TMTC2: variants seen among roughly 807,000 people sequenced by gnomAD.
TMTC2 encodes protein O-mannosyl-transferase TMTC2.
A neutral mutation model predicts 82.4 loss-of-function variants in TMTC2; 43 were observed. The ratio of observed to expected loss-of-function variants is 0.52; its 90% CI spans 0.41 to 0.67. The LOEUF (loss-of-function observed/expected upper bound fraction) is 0.67. Ranked by LOEUF, TMTC2 falls within the 30% of genes least tolerant of loss-of-function variation. The pLI is 0.00. For synonymous variants in TMTC2, 408 were observed against 381.9 expected (o/e 1.07, Z -0.80); for missense variants, 919 against 1,012.4 (o/e 0.91, Z 1.25).
chr12:83,124,840 G>A (rs566308804), intron 11 of TMTC2, among the ~76,000 whole-genome samples: 10 of 152,208 alleles, frequency 6.6e-5, no homozygotes, highest in African/African-American at 2.2e-4. Flanking sequence ...CAAATATTAG[G>A]TGGGAGATAG....
At chr12:82,696,769 C>G (rs1030187932) in intron 1 of TMTC2, among the ~76,000 whole-genome samples, 4 of 151,994 alleles carry the variant, frequency 2.6e-5, no homozygotes, top group African/African-American at 9.7e-5. Flanking sequence ...TTGAGGATGC[C>G]TGTGGCTGGC....
chr12:82,951,573 G>T (rs1261032127), intron 4 of TMTC2, among the ~76,000 whole-genome samples: 2 of 151,988 alleles, frequency 1.3e-5, no homozygotes, highest in East Asian at 3.9e-4. Context: ...CTCCCGCCTC[G>T]GCCTCCCAAA....
chr12:82,858,462 C>T (rs893661333), intron 2 of TMTC2, among the ~76,000 whole-genome samples: 6 of 152,316 alleles, frequency 3.9e-5, no homozygotes, highest in African/African-American at 9.6e-5. Context: ...GGCAGGCTCC[C>T]GCCTATCTTT....
intron 11 of TMTC2, among the ~76,000 whole-genome samples, chr12:83,113,256 TG>T (rs1310626579): frequency 6.6e-6 from 1 of 152,092 alleles, no homozygotes; most frequent in Non-Finnish European, 1.5e-5. Flanking sequence ...GATAAGACAT[TG>T]GTAGATTAGG....
At chr12:82,748,435 G>A (rs1308917100) in intron 1 of TMTC2, among the ~76,000 whole-genome samples, 1 of 152,144 alleles carries the variant, frequency 6.6e-6, no homozygotes, top group East Asian at 1.9e-4. Context: ...TCCCAGCTTG[G>A]CAACTTACTA....
intron 1 of TMTC2, among the ~76,000 whole-genome samples, chr12:82,793,129 A>C (rs1878547130): frequency 6.6e-6 from 1 of 152,146 alleles, no homozygotes; most frequent in South Asian, 2.1e-4. Context: ...AATTATTCAG[A>C]ATTGTTTCCA....
chr12:82,857,880 C>T (rs190319540), intron 2 of TMTC2, among the ~76,000 whole-genome samples: 5 of 152,268 alleles, frequency 3.3e-5, no homozygotes, highest in African/African-American at 1.2e-4. Flanking sequence ...TATATTTCTG[C>T]ACAAATTGTC....
intron 1 of TMTC2, among the ~76,000 whole-genome samples, chr12:82,729,937 G>T (rs570118659): frequency 6.6e-6 from 1 of 151,930 alleles, no homozygotes; most frequent in South Asian, 2.1e-4. Flanking sequence ...CTCCAGATGC[G>T]CTGCTTAAAG....
At chr12:82,896,940 A>G (rs1036172403) in intron 3 of TMTC2, among the ~76,000 whole-genome samples, 1 of 152,194 alleles carries the variant, frequency 6.6e-6, no homozygotes, top group African/African-American at 2.4e-5. Flanking sequence ...AGAATTTAGA[A>G]AAGAGCTTGG....
chr12:82,694,646 A>G (rs1380068723), intron 1 of TMTC2, among the ~76,000 whole-genome samples: 1 of 152,216 alleles, frequency 6.6e-6, no homozygotes, highest in Non-Finnish European at 1.5e-5. Context: ...TGAAACACAC[A>G]TTAGTGCCCT....
chr12:82,902,217 G>T (rs772936622), intron 3 of TMTC2, among the ~76,000 whole-genome samples: 1 of 151,466 alleles, frequency 6.6e-6, no homozygotes, highest in Non-Finnish European at 1.5e-5. Context: ...ATGACACTCT[G>T]TTGGGGTCCC....
intron 1 of TMTC2, among the ~76,000 whole-genome samples, chr12:82,706,290 C>G (rs1873349292): frequency 6.9e-6 from 1 of 144,664 alleles, no homozygotes; most frequent in South Asian, 2.2e-4. Flanking sequence ...GCACTCCAGC[C>G]TGGACAACAG....
In TMTC2 at chr12:82,736,636, A is replaced by G. The variant is rs1009614737; in HGVS notation, c.83+48967A>G. 6.6e-5 allele frequency among the ~76,000 whole-genome samples: 10 copies of G among 152,290 alleles called. No individual in the cohort carries two copies. The East Asian group carries it at 1.9e-3, about 29-fold the overall frequency. ...CCACAGCCTTGTCAGAGAGGGCTAA[A>G]ATTTTCTATGGTCTGGGCATTATTC... On this transcript the variant is annotated intron_variant, in intron 1 of 11. Coordinates refer to ENST00000321196, the MANE Select transcript of TMTC2 (RefSeq NM_152588.3).
chr12:82,797,259 T>G lies in TMTC2; in HGVS notation c.84-59751T>G, dbSNP rs1878765247. 3.3e-5 allele frequency among the ~76,000 whole-genome samples: 5 copies of G among 152,330 alleles called. No individual in the cohort carries two copies. The South Asian group carries it at 1.0e-3, about 32-fold the overall frequency. On this transcript the variant is annotated intron_variant, in intron 1 of 11. Transcript: ENST00000321196. ...ATTTCCCATATAGCCTAGGTGTTAC[T>G]GTTGTGAAGCAGTGTGTTGCTAATT... is the stretch of plus-strand genomic sequence containing the variant.
chr12:82,802,377 G>A (rs1033456666), intron 1 of TMTC2, among the ~76,000 whole-genome samples: 1 of 152,290 alleles, frequency 6.6e-6, no homozygotes, highest in Admixed American at 6.5e-5. Context: ...GCTTTGGCCA[G>A]CCCGGAAAGG....
chr12:82,715,142 G>A (rs561035703), intron 1 of TMTC2, among the ~76,000 whole-genome samples: 26 of 152,016 alleles, frequency 1.7e-4, no homozygotes, highest in South Asian at 6.3e-4. Flanking sequence ...ATGGTGGCGG[G>A]TGCCTGTAAT....
intron 3 of TMTC2, among the ~76,000 whole-genome samples, chr12:82,929,228 T>C (rs1875891343): frequency 6.6e-6 from 1 of 151,962 alleles, no homozygotes; most frequent in Non-Finnish European, 1.5e-5. Context: ...AATTTTTGTA[T>C]TTTTTTGTTG....
At chr12:82,756,521 A>G (rs1876335895) in intron 1 of TMTC2, among the ~76,000 whole-genome samples, 1 of 152,222 alleles carries the variant, frequency 6.6e-6, no homozygotes, top group Non-Finnish European at 1.5e-5. Context: ...ATTTGGTCAC[A>G]GCATGGGACA....
chr12:82,818,982 T>C (rs1428782032), intron 1 of TMTC2, among the ~76,000 whole-genome samples: 1 of 152,088 alleles, frequency 6.6e-6, no homozygotes, highest in Non-Finnish European at 1.5e-5. Context: ...AAAGATAACT[T>C]ACGGACTACA....
Sources: gnomAD v4.1 joint callset for allele counts (sites outside exome capture counted in the v4.1 genomes callset) on GRCh38, gnomAD v4.1.1 for gene constraint, MANE v1.5 for transcripts, NCBI Gene and HGNC (gene_info 2026-07-23, HGNC 2026-07-21) for gene names.